The following ZFAND5 variants were observed in gnomAD, a reference collection of about 807,000 sequenced individuals.
ZFAND5 encodes zinc finger AN1-type containing 5.
Under a neutral mutation model 23.6 loss-of-function variants are expected in ZFAND5, and 4 were observed. That is an observed-to-expected ratio of 0.17 (90% confidence interval 0.08 to 0.39). The LOEUF (loss-of-function observed/expected upper bound fraction) is 0.39, where lower values mean the gene tolerates loss of function less well. ZFAND5 is among the 10% of genes least tolerant of loss of function. The probability of loss-of-function intolerance (pLI) is 1.00; values close to 1 mark genes in which losing one functional copy is unlikely to be tolerated. For missense variants in ZFAND5, 161 were observed against 253.7 expected, an observed-to-expected ratio of 0.63 and a Z score of 2.48; for synonymous variants, 68 against 80.6, an observed-to-expected ratio of 0.84 and a Z score of 0.84.
chr9:72,363,712 T>C (rs1358933072), intron 1 of ZFAND5, 106 bp from the exon 2 acceptor site: 3 of 892,854 alleles, frequency 3.4e-6, no homozygotes, highest in Non-Finnish European at 4.0e-6. Flanking sequence ...TGCAGTATTT[T>C]CACCAACTGA....
At chr9:72,360,911 A>C in intron 2 of ZFAND5, 124 bp from the exon 3 acceptor site, 1 of 839,092 alleles carries the variant, frequency 1.2e-6, no homozygotes, top group Non-Finnish European at 1.7e-6. Context: ...GTTAATCATT[A>C]AAAAGGGTGG....
rs6715 is a variant in ZFAND5, at chr9:72,354,666, T to G, written c.*1287A>C. 3,730 of 152,670 alleles carry G rather than the reference T, an allele frequency of 0.024. 62 individuals carry two copies. The highest frequency in any genetic ancestry group is 0.038 in the South Asian group (185 of 4,832). The allele number at this position is 152,670 out of a possible 1,614,324, so 9.5% of individuals were successfully genotyped here. A position where few individuals can be genotyped will look rare whatever the true frequency, so the allele number is the denominator to read the frequency against. ...ACTGAACATTGCAATAAATCAGAAGTAGTGCCTCGTGTACATACTTAACTA... is the reference window on the plus strand; with the variant it reads ...ACTGAACATTGCAATAAATCAGAAGGAGTGCCTCGTGTACATACTTAACTA... On this transcript the variant is annotated 3_prime_UTR_variant, in exon 7 of 7. Coordinates refer to ENST00000376962, the MANE Select transcript of ZFAND5 (RefSeq NM_001102420.3).
Position 72,360,699 on chromosome 9 carries a change from T to A in ZFAND5, c.80A>T (p.Asn27Ile), listed in dbSNP as rs1483990378. 2 of 1,614,122 alleles carry A rather than the reference T, an allele frequency of 1.2e-6. No homozygotes were observed. Among genetic ancestry groups the A allele is most frequent in the East Asian group, 2.2e-5 (1 of 44,886 alleles). ...GCGFYGNPRT[N>I]GMCSVCYKEH... ...TTTGTAGCAAACTGAACACATTCCA[T>A]TTGTCCTAGGATTTCCATAAAAGCC... is the stretch of plus-strand genomic sequence containing the variant. The change falls in exon 3 of 7, where the codon AAT becomes ATT. Residue 27 changes from asparagine (N) to isoleucine (I), a missense_variant. This residue lies in a region of ZFAND5 where 21 missense variants were observed against 58.5 expected (regional missense o/e 0.36). Coordinates refer to ENST00000376962, the MANE Select transcript of ZFAND5 (RefSeq NM_001102420.3).
At position 72,360,531 on chromosome 9, in the gene ZFAND5, C is replaced by T. The variant is rs1037423159; in HGVS notation, c.151+97G>A. On this transcript the variant is annotated intron_variant, in intron 3 of 6. Coordinates refer to ENST00000376962, the MANE Select transcript of ZFAND5 (RefSeq NM_001102420.3). ...GAATTTCAAGCTCTTATCAGGTGTTCTCTCCATGTGCTTTCAGCATTCTCA... is the reference window on the plus strand; with the variant it reads ...GAATTTCAAGCTCTTATCAGGTGTTTTCTCCATGTGCTTTCAGCATTCTCA... The T allele has an allele frequency of 1.0e-5, 16 of 1,525,898 alleles. 1 individual carries two copies. The highest frequency in any genetic ancestry group is 2.8e-5 in the African/African-American group (2 of 72,304). 94.5% of individuals were successfully genotyped at this position (1,525,898 alleles called of 1,614,324 possible).
In ZFAND5 at chr9:72,359,446, A is replaced by T. The variant is rs144844537; in HGVS notation, c.339T>A (p.Thr113=). 1.6e-4 allele frequency: 256 copies of T among 1,613,530 alleles called. 5 individuals carry two copies. Among genetic ancestry groups the T allele is most frequent in the Middle Eastern group, 8.4e-4 (5 of 5,982 alleles). The change falls in exon 5 of 7, where the codon ACT becomes ACA. Residue 113 remains threonine, a synonymous_variant. Coordinates refer to ENST00000376962, the MANE Select transcript of ZFAND5 (RefSeq NM_001102420.3). ...EMSISREDKI[T]TPKTEVSEPV... ...GCTCTGACACCTCTGTTTTCGGGGT[A>T]GTTATTTTGTCCTCTCTTGAAATGC...
chr9:72,359,496 C>T lies in ZFAND5; in HGVS notation c.289G>A (p.Val97Ile). 6.2e-7 allele frequency: 1 copy of T among 1,613,654 alleles called. No individual in the cohort carries two copies. The highest frequency in any genetic ancestry group is 8.5e-7 in the Non-Finnish European group (1 of 1,179,676). ...SRNVPVAALP[V>I]TQQMTEMSIS... is the part of the protein sequence containing the mutation. ...CTCATTTCTGTCATTTGCTGAGTTA[C>T]AGGCAAGGCAGCCACAGGCACATTT... Residue 97 changes from valine (V) to isoleucine (I), a missense_variant, in exon 5 of 7, where the codon GTA becomes ATA. Val to Ile is a conservative substitution (Grantham distance 29). Coordinates refer to ENST00000376962, the MANE Select transcript of ZFAND5 (RefSeq NM_001102420.3).
At position 72,364,674 on chromosome 9, in the gene ZFAND5, C is replaced by T. The variant is rs537462083; in HGVS notation, c.-147+22G>A. ...CCGGCAACAAGGAGCCCGGCTCCCA[C>T]CCGCAGCCCCGTATCACTCACCCTG... is the stretch of plus-strand genomic sequence containing the variant. On this transcript the variant is annotated intron_variant, in intron 1 of 6. Coordinates refer to ENST00000376962, the MANE Select transcript of ZFAND5 (RefSeq NM_001102420.3). 9.9e-5 allele frequency: 109 copies of T among 1,102,588 alleles called. 1 individual carries two copies. Among genetic ancestry groups the T allele is most frequent in the South Asian group, 8.4e-4 (51 of 60,616 alleles). The allele number at this position is 1,102,588 out of a possible 1,614,324, so 68.3% of individuals were successfully genotyped here.
At position 72,364,206 on chromosome 9, in the gene ZFAND5, T is replaced by C. The variant is rs112588429; in HGVS notation, c.-147+490A>G. The C allele has an allele frequency of 4.6e-3, 1,292 of 280,888 alleles. 13 individuals carry two copies. Among genetic ancestry groups the C allele is most frequent in the African/African-American group, 0.024 (1,014 of 42,374 alleles). The allele number at this position is 280,888 out of a possible 1,614,324, so 17.4% of individuals were successfully genotyped here. A position where few individuals can be genotyped will look rare whatever the true frequency, so the allele number is the denominator to read the frequency against. ...GCCCTCTCCGAAAACCACTGAGTCA[T>C]GCAGAACAGCAGCTCAGCAGGCCCG... is the stretch of plus-strand genomic sequence containing the variant. On this transcript the variant is annotated intron_variant, in intron 1 of 6. Coordinates refer to ENST00000376962, the MANE Select transcript of ZFAND5 (RefSeq NM_001102420.3).
intron 2 of ZFAND5, among the ~76,000 whole-genome samples, chr9:72,361,139 A>G (rs1842087019): frequency 6.6e-6 from 1 of 152,232 alleles, no homozygotes; most frequent in South Asian, 2.1e-4. Context: ...CACTACAGGC[A>G]GACCATTTCA....
At chr9:72,358,998 A>G (rs1842019721) in intron 5 of ZFAND5, among the ~76,000 whole-genome samples, 1 of 152,174 alleles carries the variant, frequency 6.6e-6, no homozygotes, top group Non-Finnish European at 1.5e-5. Flanking sequence ...TGATAGGAAT[A>G]TTGTACTTCA....
chr9:72,363,654 TA>T (rs1453843676), intron 1 of ZFAND5, 48 bp from the exon 2 acceptor site: 1 of 983,526 alleles, frequency 1.0e-6, no homozygotes, highest in African/African-American at 1.7e-5. Flanking sequence ...CTTAATTTTT[TA>T]GGGGGGTGTG....
chr9:72,359,673 C>T, intron 4 of ZFAND5, 152 bp from the exon 5 acceptor site: 1 of 729,840 alleles, frequency 1.4e-6, no homozygotes, highest in Non-Finnish European at 2.1e-6. Context: ...ATTGGATGCC[C>T]AGCACAAATG....
chr9:72,358,092 T>A (rs1399695425), intron 5 of ZFAND5, among the ~76,000 whole-genome samples: 38 of 152,126 alleles, frequency 2.5e-4, no homozygotes, highest in Admixed American at 2.5e-3. Flanking sequence ...TATTAGCATA[T>A]AGACAAGCTC....
At position 72,363,456 on chromosome 9, in the gene ZFAND5, G is replaced by C. The variant is rs988422120; in HGVS notation, c.-10+14C>G. 5.9e-6 allele frequency: 1 copy of C among 169,336 alleles called. No homozygotes were observed. The highest frequency in any genetic ancestry group is 2.4e-5 in the African/African-American group (1 of 41,816). The allele number at this position is 169,336 out of a possible 1,614,324, so 10.5% of individuals were successfully genotyped here. ...TGCACATGATGTGATGAGATGGCAT[G>C]AATTCCCACTCACCTGGGAATGGAG... On this transcript the variant is annotated intron_variant, in intron 2 of 6. Coordinates refer to ENST00000376962, the MANE Select transcript of ZFAND5 (RefSeq NM_001102420.3).
intron 5 of ZFAND5, 130 bp from the exon 6 acceptor site, chr9:72,357,186 A>G (rs1031288263): frequency 3.6e-6 from 4 of 1,103,848 alleles, no homozygotes; most frequent in Non-Finnish European, 5.0e-6. Flanking sequence ...TGAAAATACA[A>G]GCTTTAAACA....
chr9:72,351,590 C>CTTTACTTTTT lies in ZFAND5; in HGVS notation c.*4362_*4363insAAAAAGTAAA, dbSNP rs3045644. 7.1e-6 allele frequency: 1 copy of CTTTACTTTTT among 140,300 alleles called. No individual in the cohort carries two copies. The highest frequency in any genetic ancestry group is 2.7e-5 in the African/African-American group (1 of 36,974). The allele number at this position is 140,300 out of a possible 1,614,324, so 8.7% of individuals were successfully genotyped here. ...AATGGCACTTTTGTATTCTGTTGTA[C>CTTTACTTTTT]TTTTTTTTTTTTTTTTACATTTGCT... On this transcript the variant is annotated 3_prime_UTR_variant, in exon 7 of 7. Transcript: ENST00000376962.
chr9:72,362,284 G>T (rs532548503), intron 2 of ZFAND5, among the ~76,000 whole-genome samples: 3 of 152,172 alleles, frequency 2.0e-5, no homozygotes, highest in African/African-American at 7.2e-5. Flanking sequence ...CTTTCAGCTG[G>T]GTTTTTAAAT....
intron 5 of ZFAND5, among the ~76,000 whole-genome samples, chr9:72,358,010 A>G (rs1337029209): frequency 6.6e-6 from 1 of 152,000 alleles, no homozygotes; most frequent in East Asian, 1.9e-4. Context: ...TTTAATATTA[A>G]TCCAAATGTA....
At position 72,354,453 on chromosome 9, in the gene ZFAND5, T is replaced by C. The variant is rs1587866239; in HGVS notation, c.*1500A>G. ...ATGGCTTAAAAACCCAATGAACAAG[T>C]GAAGTTTCCCTCTGTACATGGCTTT... On this transcript the variant is annotated 3_prime_UTR_variant, in exon 7 of 7. Transcript: ENST00000376962. 1 of 152,632 alleles carries C rather than the reference T, an allele frequency of 6.6e-6. No individual in the cohort carries two copies. Among genetic ancestry groups the C allele is most frequent in the East Asian group, 1.9e-4 (1 of 5,182 alleles). 9.5% of individuals were successfully genotyped at this position (152,632 alleles called of 1,614,324 possible).
Sources: gnomAD v4.1 joint callset for allele counts (sites outside exome capture counted in the v4.1 genomes callset) on GRCh38, gnomAD v4.1.1 for gene constraint, gnomAD v4.1.1 regional missense constraint, MANE v1.5 for transcripts, NCBI Gene and HGNC (gene_info 2026-07-23, HGNC 2026-07-21) for gene names.